The following ENTR1 variants were observed in gnomAD, a reference collection of about 807,000 sequenced individuals.
ENTR1 encodes endosome associated trafficking regulator 1.
A neutral mutation model predicts 47.9 loss-of-function variants in ENTR1; 47 were observed. That is an observed-to-expected ratio of 0.98 (90% CI 0.78 to 1.25). The LOEUF is 1.25. ENTR1 is among the 50% of genes most tolerant of loss of function. The pLI, the probability that ENTR1 is intolerant of heterozygous loss-of-function variation, is 0.00. For missense variants in ENTR1, 668 were observed against 570.5 expected, an observed-to-expected ratio of 1.17 and a Z score of -1.74; for synonymous variants, 290 against 245.8, an observed-to-expected ratio of 1.18 and a Z score of -1.68.
At chr9:136,404,443 C>T (rs930907734) in intron 8 of ENTR1, among the ~76,000 whole-genome samples, 188 bp downstream of exon 8, 1 of 152,200 alleles carries the variant, frequency 6.6e-6, no homozygotes, top group African/African-American at 2.4e-5. Flanking sequence ...CCCCAAACTC[C>T]CAACAGAGCT....
chr9:136,406,940 G>A, intron 5 of ENTR1: 2 of 565,560 alleles, frequency 3.5e-6, no homozygotes, highest in South Asian at 4.8e-5. Context: ...ACAGCTTCTA[G>A]CTCACCAGTC....
Position 136,405,285 on chromosome 9 carries a change from A to G in ENTR1, c.894-83T>C. On this transcript the variant is annotated intron_variant, in intron 6 of 9. Transcript: ENST00000357365. The stretch of plus-strand genomic sequence containing the variant: ...AAAAGATACCTCATGAGCCAGATAA[A>G]ACCCGCTAAGAGCCTGTGATGGAAT... The G allele has an allele frequency of 2.7e-6, 3 of 1,108,912 alleles. No individual in the cohort carries two copies. In the Admixed American group the frequency reaches 5.3e-5, roughly 20 times the overall value. The allele number at this position is 1,108,912 out of a possible 1,614,324, so 68.7% of individuals were successfully genotyped here.
rs1437327738 is a variant in ENTR1, at chr9:136,410,517, G to T, written c.-120C>A. The T allele has an allele frequency of 4.0e-4, 403 of 1,005,018 alleles. No homozygotes were observed. The highest frequency in any genetic ancestry group is 4.8e-4 in the Non-Finnish European group (391 of 813,370). 62.3% of individuals were successfully genotyped at this position (1,005,018 alleles called of 1,614,324 possible). ...CCGTCGCCCGCCCCCGTCGCCCGCC[G>T]CTCGGCCGCCCCCGCGCCTCCGAGC... On this transcript the variant is annotated 5_prime_UTR_variant, in exon 1 of 10. Transcript: ENST00000357365.
In ENTR1 at chr9:136,410,492, C is replaced by G. The variant is rs1490166294; in HGVS notation, c.-95G>C. On this transcript the variant is annotated 5_prime_UTR_variant, in exon 1 of 10. Transcript: ENST00000357365. ...GTGCCGCGGCCCGCGTCGCCCGCCC[C>G]CGTCGCCCGCCCCCGTCGCCCGCCG... The G allele has an allele frequency of 2.1e-6, 2 of 948,274 alleles. No homozygotes were observed. Among genetic ancestry groups the G allele is most frequent in the Non-Finnish European group, 2.6e-6 (2 of 783,288 alleles). 58.7% of individuals were successfully genotyped at this position (948,274 alleles called of 1,614,324 possible).
chr9:136,405,599 A>T (rs2131553066), intron 6 of ENTR1, among the ~76,000 whole-genome samples: 1 of 152,308 alleles, frequency 6.6e-6, no homozygotes, highest in South Asian at 2.1e-4. Flanking sequence ...AAAATTAGCC[A>T]GGTGCAGTGG....
intron 6 of ENTR1, among the ~76,000 whole-genome samples, chr9:136,405,545 C>T (rs918438458): frequency 1.3e-5 from 2 of 152,190 alleles, no homozygotes; most frequent in African/African-American, 4.8e-5. Flanking sequence ...TGAGACAAGC[C>T]TGGGCAACAT....
chr9:136,406,473 A>G (rs1201635663), intron 5 of ENTR1, among the ~76,000 whole-genome samples: 1 of 151,822 alleles, frequency 6.6e-6, no homozygotes, highest in Non-Finnish European at 1.5e-5. Flanking sequence ...TGTCTCAGGA[A>G]GAAAATAATT....
At position 136,405,900 on chromosome 9, in the gene ENTR1, C is replaced by T. The variant is rs761629737; in HGVS notation, c.893+5G>A. ...GATTGCATTCCTAACTAAAAGCTTA[C>T]ATACATTTCTGTTTGAGCTTCAGAG... On this transcript the variant is annotated splice_donor_5th_base_variant and intron_variant, in intron 6 of 9. Coordinates refer to ENST00000357365, the MANE Select transcript of ENTR1 (RefSeq NM_001039707.2). The T allele has an allele frequency of 8.9e-6, 14 of 1,572,818 alleles. No homozygotes were observed. In the South Asian group the frequency reaches 1.0e-4, roughly 12 times the overall value.
intron 5 of ENTR1, among the ~76,000 whole-genome samples, chr9:136,406,341 C>T (rs973826426): frequency 4.6e-5 from 7 of 151,874 alleles, no homozygotes; most frequent in East Asian, 2.0e-4. Flanking sequence ...TGGTGGCGGG[C>T]ACCTGTAGTC....
intron 4 of ENTR1, 51 bp from the exon 5 acceptor site, chr9:136,407,612 A>G: frequency 3.3e-6 from 5 of 1,500,078 alleles, no homozygotes; most frequent in Non-Finnish European, 4.4e-6. Context: ...TCTGACTCGG[A>G]GCGCATCTTC....
intron 6 of ENTR1, 28 bp from the exon 7 acceptor site, chr9:136,405,230 A>T: frequency 1.3e-6 from 2 of 1,558,636 alleles, no homozygotes; most frequent in Non-Finnish European, 1.8e-6. Context: ...CGAGTTGTTA[A>T]TTTCTGTGGC....
At chr9:136,404,246 G>T in intron 8 of ENTR1, 52 bp from the exon 9 acceptor site, 1 of 1,552,392 alleles carries the variant, frequency 6.4e-7, no homozygotes. Context: ...CAACCCGGCT[G>T]AAAGTCACCA....
At chr9:136,405,833 T>C in intron 6 of ENTR1, 72 bp downstream of exon 6, 3 of 919,604 alleles carry the variant, frequency 3.3e-6, no homozygotes, top group Non-Finnish European at 5.0e-6. Flanking sequence ...GATTACTTCA[T>C]TATCATTTAA....
Position 136,402,785 on chromosome 9 carries a change from T to A in ENTR1, c.*3A>T, listed in dbSNP as rs1834545691. The stretch of plus-strand genomic sequence containing the variant: ...GCTTCATGCTGAGAACACCCAGGGG[T>A]CCTCAAGAGTCTTCCTCCTCGTCTT... On this transcript the variant is annotated 3_prime_UTR_variant, in exon 10 of 10. Transcript: ENST00000357365. 1 of 1,605,304 alleles carries A rather than the reference T, an allele frequency of 6.2e-7. No homozygotes were observed. The highest frequency in any genetic ancestry group is 1.3e-5 in the African/African-American group (1 of 74,684).
intron 2 of ENTR1, among the ~76,000 whole-genome samples, chr9:136,409,564 C>G (rs11145930): frequency 1.6e-4 from 24 of 151,876 alleles, no homozygotes; most frequent in African/African-American, 5.6e-4. Flanking sequence ...CCCTGGTGTC[C>G]GTGGTCTGAA....
chr9:136,407,695 G>A, intron 4 of ENTR1, 131 bp downstream of exon 4: 4 of 1,367,532 alleles, frequency 2.9e-6, no homozygotes, highest in South Asian at 1.4e-5. Context: ...CAGCTTCTGA[G>A]CCCAGAGCTG....
In ENTR1 at chr9:136,407,934, G is replaced by A; in HGVS notation, c.294C>T (p.Asp98=). Residue 98 remains aspartate, a synonymous_variant, in exon 4 of 10, where the codon GAC becomes GAT. Transcript: ENST00000357365. ...TTGCCTCTTCCAGATCTTCAAATCT[G>A]TCATCTGAAATAACAGACATCACAA... is the stretch of plus-strand genomic sequence containing the variant. The part of the protein sequence containing the change: ...SGAHGTHFGD[D]RFEDLEEANP... 3 of 1,589,572 alleles carry A rather than the reference G, an allele frequency of 1.9e-6. No individual in the cohort carries two copies. The highest frequency in any genetic ancestry group is 1.1e-5 in the South Asian group (1 of 90,596).
At chr9:136,403,861 G>A (rs1834629126) in intron 9 of ENTR1, among the ~76,000 whole-genome samples, 194 bp downstream of exon 9, 1 of 152,172 alleles carries the variant, frequency 6.6e-6, no homozygotes. Context: ...TGCGAGGCAG[G>A]TTAGAAAGCC....
intron 4 of ENTR1, 92 bp from the exon 5 acceptor site, chr9:136,407,653 A>C: frequency 1.4e-6 from 2 of 1,472,898 alleles, no homozygotes; most frequent in Non-Finnish European, 1.8e-6. Context: ...AACAAGAAGA[A>C]AGGCCCAATC....
Sources: gnomAD v4.1 joint callset for allele counts (sites outside exome capture counted in the v4.1 genomes callset) on GRCh38, gnomAD v4.1.1 for gene constraint, MANE v1.5 for transcripts, NCBI Gene and HGNC (gene_info 2026-07-23, HGNC 2026-07-21) for gene names.